The following GNG7 variants were observed in gnomAD, a reference collection of about 807,000 sequenced individuals.
GNG7 encodes the protein G protein subunit gamma 7.
GNG7 carries 1 observed loss-of-function variant against 4.0 expected under a neutral mutation model. That is an observed-to-expected ratio of 0.25 (90% CI 0.09 to 1.18). The LOEUF is 1.18. Among genes scored for constraint, GNG7 ranks in the 50% most tolerant of loss-of-function variants. GNG7 has a pLI of 0.50. For missense variants in GNG7, 86 were observed against 91.9 expected, an observed-to-expected ratio of 0.94 and a Z score of 0.26; for synonymous variants, 34 against 36.9, an observed-to-expected ratio of 0.92 and a Z score of 0.29.
In GNG7 at chr19:2,611,006, G is replaced by GGT. The variant is rs1981544929; in HGVS notation, c.-78+35217_-78+35218insAC. 2 of 103,070 alleles carry GGT rather than the reference G, an allele frequency of 1.9e-5. No individual in the cohort carries two copies. The highest frequency in any genetic ancestry group is 9.8e-5 in the African/African-American group (2 of 20,350). The allele number at this position is 103,070 out of a possible 1,614,324, so 6.4% of individuals were successfully genotyped here. ...GGAACGGGCTCACGTGCCAGGCTCG[G>GGT]GGGGGGGGAAGCGTCCTCAACATTC... On this transcript the variant is annotated intron_variant, in intron 2 of 4. Transcript: ENST00000382159. This position sits in a 1 kb window ranked among gnomAD's most constrained non-coding sequence, Gnocchi z 6.0.
intron 2 of GNG7, among the ~76,000 whole-genome samples, chr19:2,579,660 G>A (rs572699961): frequency 5.4e-4 from 82 of 152,330 alleles, no homozygotes; most frequent in African/African-American, 1.9e-3. Context: ...ACAAGCTGCC[G>A]ACGGAAGGGG....
rs532044509 is a variant in GNG7 at position 2,570,976 on chromosome 19, T to TTC, written c.-77-15789_-77-15788insGA. On this transcript the variant is annotated intron_variant, in intron 2 of 4. Coordinates refer to ENST00000382159, the MANE Select transcript of GNG7 (RefSeq NM_052847.3). ...CCACGCCTGGCTAATGTTTGTATTT[T>TTC]TTTTTTTTAGAGATGGGGTCTCACT... Among the ~76,000 whole-genome samples the TTC allele has an allele frequency of 6.6e-5, 10 of 150,798 alleles. No individual in the cohort carries two copies. The East Asian group carries it at 1.8e-3, about 26-fold the overall frequency.
chr19:2,691,686 G>A (rs1913138871), intron 1 of GNG7, among the ~76,000 whole-genome samples: 1 of 151,774 alleles, frequency 6.6e-6, no homozygotes, highest in South Asian at 2.1e-4. Context: ...GGCCAACATG[G>A]TGAAACCCCG....
intron 2 of GNG7, among the ~76,000 whole-genome samples, chr19:2,629,869 A>T (rs1365479839): frequency 6.6e-6 from 1 of 152,216 alleles, no homozygotes; most frequent in African/African-American, 2.4e-5. Flanking sequence ...AGCTTTGCAC[A>T]TACATGGTGC....
intron 2 of GNG7, among the ~76,000 whole-genome samples, chr19:2,562,733 T>C (rs34559490): frequency 0.13 from 19,479 of 152,110 alleles, 1,341 homozygotes; most frequent in East Asian, 0.21. Flanking sequence ...CTTAGGGGAT[T>C]CCACAGACCC....
At chr19:2,581,917 C>T (rs1357483290) in intron 2 of GNG7, among the ~76,000 whole-genome samples, 1 of 152,162 alleles carries the variant, frequency 6.6e-6, no homozygotes, top group African/African-American at 2.4e-5. Flanking sequence ...TGGCATGCAG[C>T]CTGTGCCCTA....
intron 2 of GNG7, among the ~76,000 whole-genome samples, chr19:2,559,052 G>C (rs1011104982): frequency 5.9e-5 from 9 of 151,660 alleles, no homozygotes; most frequent in Non-Finnish European, 1.3e-4. Context: ...ACCCACCTTG[G>C]CCCCCCCAAA....
At chr19:2,676,419 T>C (rs1042418558) in intron 1 of GNG7, among the ~76,000 whole-genome samples, 3 of 152,020 alleles carry the variant, frequency 2.0e-5, no homozygotes, top group Non-Finnish European at 2.9e-5. Flanking sequence ...CATCTAGAAG[T>C]GTCCGTCAAA....
At chr19:2,607,220 C>CAA (rs57526624) in intron 2 of GNG7, among the ~76,000 whole-genome samples, 68,875 of 135,904 alleles carry the variant, frequency 0.51, 17,264 homozygotes, top group Middle Eastern at 0.64. Flanking sequence ...GACCCTGTGT[C>CAA]AAAAAAAAAA....
At chr19:2,665,272 C>G (rs192935774) in intron 1 of GNG7, among the ~76,000 whole-genome samples, 4 of 151,776 alleles carry the variant, frequency 2.6e-5, no homozygotes, top group Non-Finnish European at 4.4e-5. Flanking sequence ...GCACGCTGAG[C>G]GGCATCCGTG....
chr19:2,599,766 G>A (rs1046726872), intron 2 of GNG7, among the ~76,000 whole-genome samples: 3 of 152,036 alleles, frequency 2.0e-5, no homozygotes, highest in Non-Finnish European at 1.5e-5. Context: ...GCGAAACCCC[G>A]TCTCTACTAA....
In GNG7 at chr19:2,634,980, G is replaced by A. The variant is rs1215024552; in HGVS notation, c.-78+11244C>T. 2.6e-5 allele frequency among the ~76,000 whole-genome samples: 4 copies of A among 152,206 alleles called. No homozygotes were observed. The highest frequency in any genetic ancestry group is 9.6e-5 in the African/African-American group (4 of 41,456). ...CGCAAAGTTCTTCCGCACTCAGTGA[G>A]GCAAGAAGCAAAAAGGCTGAAGAAA... is the stretch of plus-strand genomic sequence containing the variant. On this transcript the variant is annotated intron_variant, in intron 2 of 4. Coordinates refer to ENST00000382159, the MANE Select transcript of GNG7 (RefSeq NM_052847.3). This position sits in a 1 kb window ranked among gnomAD's most constrained non-coding sequence, Gnocchi z 5.3.
intron 2 of GNG7, among the ~76,000 whole-genome samples, chr19:2,616,695 C>G (rs1248651347): frequency 1.3e-5 from 2 of 151,926 alleles, no homozygotes; most frequent in Non-Finnish European, 2.9e-5. Context: ...ATTGCTTGAA[C>G]CCGGGAGGCA....
At position 2,513,447 on chromosome 19, in the gene GNG7, CT is replaced by C. The variant is rs1972684096; in HGVS notation, c.*1574del. On this transcript the variant is annotated 3_prime_UTR_variant, in exon 5 of 5. Coordinates refer to ENST00000382159, the MANE Select transcript of GNG7 (RefSeq NM_052847.3). Reference sequence around the variant, plus strand: ...TGGCCGCAGGTGATGCCGGCAGGCCCTGGAAGATGTGGCTGCACCTGCTCCC... The same window carrying C: ...TGGCCGCAGGTGATGCCGGCAGGCCCGGAAGATGTGGCTGCACCTGCTCCC... 1 of 943,252 alleles carries C rather than the reference CT, an allele frequency of 1.1e-6. No individual in the cohort carries two copies. The highest frequency in any genetic ancestry group is 1.3e-6 in the Non-Finnish European group (1 of 791,588). 58.4% of individuals were successfully genotyped at this position (943,252 alleles called of 1,614,324 possible). A position where few individuals can be genotyped will look rare whatever the true frequency, so the allele number is the denominator to read the frequency against.
intron 1 of GNG7, among the ~76,000 whole-genome samples, chr19:2,699,406 C>T (rs1913346926): frequency 6.6e-6 from 1 of 152,160 alleles, no homozygotes; most frequent in Non-Finnish European, 1.5e-5. Context: ...ACTTCGGCCT[C>T]CCAAAGTGCT....
rs150378131 is a variant in GNG7, at chr19:2,680,661, C to A, written c.-135+21985G>T. Among the ~76,000 whole-genome samples, 6 of 150,934 alleles carry A rather than the reference C, an allele frequency of 4.0e-5. No individual in the cohort carries two copies. The South Asian group carries it at 1.1e-3, about 27-fold the overall frequency. Reference sequence around the variant, plus strand: ...TGAGATCTCAGCCCACTGCAACCTCCGCCTCCTGGGTTCAAGAGATTCTCC... The same window carrying A: ...TGAGATCTCAGCCCACTGCAACCTCAGCCTCCTGGGTTCAAGAGATTCTCC... On this transcript the variant is annotated intron_variant, in intron 1 of 4. Coordinates refer to ENST00000382159, the MANE Select transcript of GNG7 (RefSeq NM_052847.3).
intron 2 of GNG7, among the ~76,000 whole-genome samples, chr19:2,616,606 G>A (rs765469536): frequency 3.4e-4 from 51 of 151,992 alleles, no homozygotes; most frequent in Non-Finnish European, 6.6e-4. Context: ...GAGAAACCCC[G>A]TCTCTCCTAA....
intron 2 of GNG7, among the ~76,000 whole-genome samples, chr19:2,615,843 C>T (rs1456492116): frequency 2.0e-5 from 3 of 152,172 alleles, no homozygotes; most frequent in Non-Finnish European, 4.4e-5. Flanking sequence ...AAGGAAGCAG[C>T]AAGGCGGAGG....
At chr19:2,677,367 C>T (rs1458124632) in intron 1 of GNG7, among the ~76,000 whole-genome samples, 1 of 151,830 alleles carries the variant, frequency 6.6e-6, no homozygotes, top group African/African-American at 2.4e-5. Context: ...ACTGTTATGA[C>T]TCAGGGATGC....
Sources: gnomAD v4.1 joint callset for allele counts (sites outside exome capture counted in the v4.1 genomes callset) on GRCh38, gnomAD v4.1.1 for gene constraint, Gnocchi (gnomAD v3.1) non-coding constraint, MANE v1.5 for transcripts, NCBI Gene and HGNC (gene_info 2026-07-23, HGNC 2026-07-21) for gene names.